The following SLC30A4 variants were observed in gnomAD, a reference collection of about 807,000 sequenced individuals.
SLC30A4 encodes the protein probable proton-coupled zinc antiporter SLC30A4.
A neutral mutation model predicts 41.7 loss-of-function variants in SLC30A4; 20 were observed. The observed-to-expected ratio is 0.48, with a 90% CI of 0.34 to 0.70. The LOEUF (loss-of-function observed/expected upper bound fraction) is 0.70. Among genes scored for constraint, SLC30A4 ranks in the 30% least tolerant of loss-of-function variants. The pLI, the probability that SLC30A4 is intolerant of heterozygous loss-of-function variation, is 0.01. For missense variants in SLC30A4, 441 were observed against 529.3 expected, an observed-to-expected ratio of 0.83 and a Z score of 1.64; for synonymous variants, 181 against 195.9, an observed-to-expected ratio of 0.92 and a Z score of 0.64.
rs147123054 is a variant in SLC30A4 at position 45,489,259 on chromosome 15, A to G, written c.693-217T>C. On this transcript the variant is annotated intron_variant, in intron 4 of 7. Coordinates refer to ENST00000261867, the MANE Select transcript of SLC30A4 (RefSeq NM_013309.6). ...GCTTATGTTCTAGTAGAGAAGGCAG[A>G]GAAGCCAACAAATAAGTACATAAGG... is the stretch of plus-strand genomic sequence containing the variant. Among the ~76,000 whole-genome samples the G allele has an allele frequency of 2.2e-3, 332 of 152,274 alleles. 2 individuals carry two copies. Among genetic ancestry groups the G allele is most frequent in the African/African-American group, 7.4e-3 (306 of 41,552 alleles).
chr15:45,487,929 T>TGTGTGC, intron 5 of SLC30A4, among the ~76,000 whole-genome samples: 1 of 145,956 alleles, frequency 6.9e-6, no homozygotes, highest in East Asian at 2.1e-4. Flanking sequence ...TGTGTGTGTG[T>TGTGTGC]GTGTGTGTGT....
At chr15:45,507,770 G>A (rs185353000) in intron 3 of SLC30A4, among the ~76,000 whole-genome samples, 2 of 152,196 alleles carry the variant, frequency 1.3e-5, no homozygotes, top group Non-Finnish European at 2.9e-5. Context: ...TTACAGGCAT[G>A]AGCCACCATG....
intron 7 of SLC30A4, 143 bp downstream of exon 7, chr15:45,486,468 T>G (rs1891708111): frequency 1.4e-6 from 1 of 711,198 alleles, no homozygotes; most frequent in Non-Finnish European, 2.2e-6. Context: ...ACAAAAGCCT[T>G]TGTTTTTTAA....
At chr15:45,520,133 T>C (rs1225595579) in intron 2 of SLC30A4, among the ~76,000 whole-genome samples, 1 of 152,174 alleles carries the variant, frequency 6.6e-6, no homozygotes. Flanking sequence ...ATAAATAAGA[T>C]ATCTCAGATG....
At chr15:45,512,239 T>G (rs1346298707) in intron 2 of SLC30A4, 1 of 152,230 alleles carries the variant, frequency 6.6e-6, no homozygotes. Context: ...TAAGCTTTTA[T>G]GTGTATCAGA....
rs1396556276 is a variant in SLC30A4, at chr15:45,483,731, G to C, written c.*1432C>G. The C allele has an allele frequency of 6.6e-6, 1 of 152,278 alleles. No individual in the cohort carries two copies. The highest frequency in any genetic ancestry group is 1.5e-5 in the Non-Finnish European group (1 of 68,142). The allele number at this position is 152,278 out of a possible 1,614,324, so 9.4% of individuals were successfully genotyped here. A position where few individuals can be genotyped will look rare whatever the true frequency, so the allele number is the denominator to read the frequency against. Reference sequence around the variant, plus strand: ...TACTAAAAATACAAAAAAATGAGCTGGGTGTGGTGTACCTGTAGTCCCAGC... The same window carrying C: ...TACTAAAAATACAAAAAAATGAGCTCGGTGTGGTGTACCTGTAGTCCCAGC... On this transcript the variant is annotated 3_prime_UTR_variant, in exon 8 of 8. Transcript: ENST00000261867.
At chr15:45,511,913 A>G (rs1443565526) in intron 2 of SLC30A4, among the ~76,000 whole-genome samples, 13 of 152,226 alleles carry the variant, frequency 8.5e-5, no homozygotes, top group Non-Finnish European at 1.9e-4. Context: ...TAATTCTACT[A>G]TTAGTGAATT....
chr15:45,503,755 C>T (rs912873460), intron 3 of SLC30A4, among the ~76,000 whole-genome samples: 3 of 151,910 alleles, frequency 2.0e-5, no homozygotes, highest in African/African-American at 7.3e-5. Context: ...AAGACCAGCC[C>T]GACCAACATG....
intron 2 of SLC30A4, chr15:45,520,995 C>G (rs751919212): frequency 4.3e-6 from 2 of 465,214 alleles, no homozygotes; most frequent in Admixed American, 5.0e-5. Flanking sequence ...ATGGCTGAAG[C>G]GAGCCCTGGG....
chr15:45,520,455 A>G (rs1021740228), intron 2 of SLC30A4, among the ~76,000 whole-genome samples: 11 of 152,016 alleles, frequency 7.2e-5, no homozygotes, highest in Non-Finnish European at 1.6e-4. Flanking sequence ...TTTTGTTTTT[A>G]GTAGAGACAA....
chr15:45,508,287 T>A (rs1892202770), intron 3 of SLC30A4, among the ~76,000 whole-genome samples: 1 of 152,232 alleles, frequency 6.6e-6, no homozygotes, highest in Non-Finnish European at 1.5e-5. Context: ...TAGTTTTCCC[T>A]GAACATTTTG....
chr15:45,511,287 T>C lies in SLC30A4; in HGVS notation c.392-3A>G, dbSNP rs1347747525. The C allele has an allele frequency of 1.3e-6, 2 of 1,552,070 alleles. No homozygotes were observed. Among genetic ancestry groups the C allele is most frequent in the Non-Finnish European group, 8.7e-7 (1 of 1,150,142 alleles). On this transcript the variant is annotated splice_polypyrimidine_tract_variant and splice_region_variant and intron_variant, in intron 2 of 7. Coordinates refer to ENST00000261867, the MANE Select transcript of SLC30A4 (RefSeq NM_013309.6). ...TAGGCTATTTGCAATGTATCCACCT[T>C]AGAGTTACAAGTAGGAGAAAAAAGG...
At chr15:45,518,105 C>T (rs552204293) in intron 2 of SLC30A4, among the ~76,000 whole-genome samples, 1 of 152,330 alleles carries the variant, frequency 6.6e-6, no homozygotes, top group East Asian at 1.9e-4. Context: ...CCAAACTGGC[C>T]TTCTTTCTAA....
chr15:45,489,023 G>A lies in SLC30A4; in HGVS notation c.712C>T (p.Gln238Ter), dbSNP rs1219219420. The A allele has an allele frequency of 3.7e-6, 6 of 1,610,912 alleles. No homozygotes were observed. The highest frequency in any genetic ancestry group is 5.1e-6 in the Non-Finnish European group (6 of 1,178,514). The change falls in exon 5 of 8, where the codon CAG becomes TAG. Residue 238 changes from glutamine to a stop codon, truncating the protein, a stop_gained. Coordinates refer to ENST00000261867, the MANE Select transcript of SLC30A4 (RefSeq NM_013309.6). LOFTEE classifies it high-confidence loss of function. Reference sequence around the variant, plus strand: ...GAATGGGAGTGACGGTGACCAGACTGGTTCAACAGAAACCCCATTCTGTTA... The same window carrying A: ...GAATGGGAGTGACGGTGACCAGACTAGTTCAACAGAAACCCCATTCTGTTA... ...VNVIMGFLLN[Q>*]SGHRHSHSHS...
intron 3 of SLC30A4, among the ~76,000 whole-genome samples, chr15:45,495,866 T>C (rs1450830589): frequency 6.6e-6 from 1 of 152,244 alleles, no homozygotes; most frequent in Admixed American, 6.5e-5. Flanking sequence ...ATTAAGATAC[T>C]GCTATCAATG....
At chr15:45,514,784 G>A (rs1031725992) in intron 2 of SLC30A4, among the ~76,000 whole-genome samples, 1 of 152,028 alleles carries the variant, frequency 6.6e-6, no homozygotes, top group Non-Finnish European at 1.5e-5. Context: ...CAAAGTGCTA[G>A]GATTACAGGC....
chr15:45,480,709 T>A lies in SLC30A4; in HGVS notation c.*4454A>T, dbSNP rs1269382753. ...GGGCTCATATTCTGTAAGAACACCA[T>A]ATTAAGTTGAGCCAATTAACATATA... is the stretch of plus-strand genomic sequence containing the variant. On this transcript the variant is annotated 3_prime_UTR_variant, in exon 8 of 8. Transcript: ENST00000261867. 1 of 152,222 alleles carries A rather than the reference T, an allele frequency of 6.6e-6. No individual in the cohort carries two copies. Among genetic ancestry groups the A allele is most frequent in the East Asian group, 1.9e-4 (1 of 5,202 alleles). 9.4% of individuals were successfully genotyped at this position (152,222 alleles called of 1,614,324 possible). A position where few individuals can be genotyped will look rare whatever the true frequency, so the allele number is the denominator to read the frequency against.
At chr15:45,496,262 T>C (rs570987614) in intron 3 of SLC30A4, among the ~76,000 whole-genome samples, 1 of 152,300 alleles carries the variant, frequency 6.6e-6, no homozygotes, top group East Asian at 1.9e-4. Context: ...TTTTCCTTCA[T>C]AATATTCTTA....
intron 3 of SLC30A4, among the ~76,000 whole-genome samples, chr15:45,506,745 C>G (rs1213588222): frequency 6.6e-6 from 1 of 152,128 alleles, no homozygotes; most frequent in East Asian, 1.9e-4. Flanking sequence ...CAGTGTGAAG[C>G]TTGAGTACCT....
Sources: gnomAD v4.1 joint callset for allele counts (sites outside exome capture counted in the v4.1 genomes callset) on GRCh38, gnomAD v4.1.1 for gene constraint, MANE v1.5 for transcripts, NCBI Gene and HGNC (gene_info 2026-07-23, HGNC 2026-07-21) for gene names.